The following GSG1L variants were observed in gnomAD, a reference collection of about 807,000 sequenced individuals.
GSG1L encodes the protein germ cell-specific gene 1-like protein.
A neutral mutation model predicts 42.1 loss-of-function variants in GSG1L; 24 were observed. The ratio of observed to expected loss-of-function variants is 0.57; its 90% confidence interval spans 0.41 to 0.80. The LOEUF (loss-of-function observed/expected upper bound fraction) is 0.80. Ranked by LOEUF, GSG1L falls within the 30% of genes least tolerant of loss-of-function variation. The pLI is 0.00. For synonymous variants in GSG1L, 215 were observed against 203.5 expected, an observed-to-expected ratio of 1.06 and a Z score of -0.48; for missense variants, 445 against 472.2, an observed-to-expected ratio of 0.94 and a Z score of 0.53.
intron 1 of GSG1L, among the ~76,000 whole-genome samples, chr16:27,997,309 C>CCTTTT (rs2085526559): frequency 1.4e-5 from 1 of 70,594 alleles, no homozygotes; most frequent in Non-Finnish European, 2.9e-5. Flanking sequence ...GTGTTCTCCA[C>CCTTTT]TTTTTTTTTT....
chr16:27,829,590 AG>A (rs2140967171), intron 4 of GSG1L, among the ~76,000 whole-genome samples: 1 of 152,334 alleles, frequency 6.6e-6, no homozygotes, highest in Non-Finnish European at 1.5e-5. Flanking sequence ...TCTGTTGCCC[AG>A]GCTGAAGTGC....
At chr16:28,034,776 T>C (rs1213330817) in intron 1 of GSG1L, among the ~76,000 whole-genome samples, 1 of 152,218 alleles carries the variant, frequency 6.6e-6, no homozygotes, top group Admixed American at 6.5e-5. Context: ...CCAGGGCCTC[T>C]ACCCATTGGC....
intron 1 of GSG1L, among the ~76,000 whole-genome samples, chr16:28,027,952 G>GT (rs2085918346): frequency 6.6e-6 from 1 of 152,200 alleles, no homozygotes; most frequent in Non-Finnish European, 1.5e-5. Context: ...GCAGTGAGCT[G>GT]TGATTGCGCC....
At chr16:27,803,774 TATATATATATATATATATATAGATAG>T (rs1341510806) in intron 6 of GSG1L, among the ~76,000 whole-genome samples, 4 of 61,372 alleles carry the variant, frequency 6.5e-5, no homozygotes, top group African/African-American at 2.9e-4. Context: ...GACATATATA[TATATATATATATATATATATAGATAG>T]ATAGATATAG....
At chr16:28,057,863 G>T (rs955472692) in intron 1 of GSG1L, among the ~76,000 whole-genome samples, 1 of 152,262 alleles carries the variant, frequency 6.6e-6, no homozygotes, top group African/African-American at 2.4e-5. Flanking sequence ...ATGAGGACTA[G>T]AATCTGGACC....
At chr16:27,869,322 A>G (rs2083772545) in intron 3 of GSG1L, among the ~76,000 whole-genome samples, 1 of 151,576 alleles carries the variant, frequency 6.6e-6, no homozygotes, top group Non-Finnish European at 1.5e-5. Context: ...CATAGGATTA[A>G]CACTTTGATG....
At chr16:27,854,412 C>T (rs907349523) in intron 3 of GSG1L, among the ~76,000 whole-genome samples, 1 of 152,052 alleles carries the variant, frequency 6.6e-6, no homozygotes, top group Non-Finnish European at 1.5e-5. Context: ...GAATGAGCTG[C>T]ACTATGCAGA....
chr16:27,919,655 C>G (rs566128518), intron 2 of GSG1L, among the ~76,000 whole-genome samples: 196 of 152,286 alleles, frequency 1.3e-3, no homozygotes, highest in Non-Finnish European at 2.4e-3. Flanking sequence ...AAGCCTGGAC[C>G]GTGTGCCCAG....
At chr16:27,849,252 A>G (rs909650589) in intron 3 of GSG1L, among the ~76,000 whole-genome samples, 11 of 149,414 alleles carry the variant, frequency 7.4e-5, no homozygotes, top group African/African-American at 2.7e-4. Context: ...GATGTGTCAG[A>G]TGGAGTCAGA....
intron 3 of GSG1L, among the ~76,000 whole-genome samples, chr16:27,849,209 A>ACCCCC (rs2083479714): frequency 6.7e-6 from 1 of 149,326 alleles, no homozygotes. Context: ...AAAAGAAAAA[A>ACCCCC]AAAAAAAAAA....
At chr16:27,964,492 T>G (rs556447391) in intron 1 of GSG1L, among the ~76,000 whole-genome samples, 2 of 152,248 alleles carry the variant, frequency 1.3e-5, no homozygotes, top group African/African-American at 4.8e-5. Flanking sequence ...CAATTGTGGA[T>G]AGCAGCACTA....
At chr16:28,051,071 A>T (rs2086217870) in intron 1 of GSG1L, among the ~76,000 whole-genome samples, 1 of 152,232 alleles carries the variant, frequency 6.6e-6, no homozygotes, top group African/African-American at 2.4e-5. Context: ...AAAGCCTAGC[A>T]CATAGTAGGT....
chr16:28,052,097 T>C (rs1596734352), intron 1 of GSG1L, among the ~76,000 whole-genome samples: 2 of 151,904 alleles, frequency 1.3e-5, no homozygotes, highest in Non-Finnish European at 2.9e-5. Context: ...TGTGTGTTTG[T>C]GTCTGTGGGG....
chr16:27,839,312 C>T (rs893449904), intron 4 of GSG1L, among the ~76,000 whole-genome samples: 10 of 152,224 alleles, frequency 6.6e-5, no homozygotes, highest in African/African-American at 2.4e-4. Flanking sequence ...CATAACTTCT[C>T]TGGGCCCTCC....
chr16:27,868,776 A>G (rs1329686902), intron 3 of GSG1L, among the ~76,000 whole-genome samples: 9 of 152,124 alleles, frequency 5.9e-5, no homozygotes, highest in Non-Finnish European at 1.0e-4. Context: ...GAGGGCCTGC[A>G]GCTGCCAAGC....
Position 27,890,968 on chromosome 16 carries a change from GCCCTT to G in GSG1L, c.398-6335_398-6331del, listed in dbSNP as rs936797667. Among the ~76,000 whole-genome samples, 14 of 152,310 alleles carry G rather than the reference GCCCTT, an allele frequency of 9.2e-5. No individual in the cohort carries two copies. The South Asian group carries it at 2.9e-3, about 32-fold the overall frequency. ...GTGCGGTGCTCCCAGCCTGCCCACG[GCCCTT>G]GGGGGCACATTTCCACCTGCTGGCG... On this transcript the variant is annotated intron_variant, in intron 2 of 6. Coordinates refer to ENST00000447459, the MANE Select transcript of GSG1L (RefSeq NM_001109763.2).
intron 3 of GSG1L, among the ~76,000 whole-genome samples, chr16:27,869,220 AGTTATGGAG>A (rs2083771371): frequency 6.7e-6 from 1 of 149,892 alleles, no homozygotes; most frequent in African/African-American, 2.5e-5. Flanking sequence ...GGTGAGTGGA[AGTTATGGAG>A]GTGGAGAGAA....
At chr16:27,975,504 T>C (rs1340349132) in intron 1 of GSG1L, among the ~76,000 whole-genome samples, 1 of 152,206 alleles carries the variant, frequency 6.6e-6, no homozygotes, top group Non-Finnish European at 1.5e-5. Flanking sequence ...TTTGTCAACT[T>C]GTTTAGTACA....
intron 1 of GSG1L, among the ~76,000 whole-genome samples, chr16:28,020,198 G>T (rs2085825486): frequency 6.6e-6 from 1 of 152,178 alleles, no homozygotes; most frequent in African/African-American, 2.4e-5. Flanking sequence ...TGGCGACTCA[G>T]TCCACCCAGT....
Sources: allele counts gnomAD v4.1 joint callset (sites outside exome capture counted in the v4.1 genomes callset), GRCh38; gene constraint gnomAD v4.1.1; transcripts MANE v1.5; gene names NCBI Gene and HGNC (gene_info 2026-07-23, HGNC 2026-07-21).